The following ALX4 variants were observed in gnomAD, a reference collection of about 807,000 sequenced individuals.
ALX4 encodes ALX homeobox 4.
A neutral mutation model predicts 40.6 loss-of-function variants in ALX4; 22 were observed. The ratio of observed to expected loss-of-function variants is 0.54; its 90% CI spans 0.39 to 0.77. The LOEUF is 0.77. Among genes scored for constraint, ALX4 ranks in the 30% least tolerant of loss-of-function variants. The probability of loss-of-function intolerance (pLI) is 0.00; values close to 1 mark genes in which losing one functional copy is unlikely to be tolerated. For missense variants in ALX4, 556 were observed against 564.8 expected (o/e 0.98, Z 0.16); for synonymous variants, 266 against 240.5 (o/e 1.11, Z -0.98).
chr11:44,288,179 C>T (rs561298288), intron 1 of ALX4, among the ~76,000 whole-genome samples: 7 of 152,162 alleles, frequency 4.6e-5, no homozygotes, highest in African/African-American at 7.2e-5. Context: ...TGAGCCACTG[C>T]GCCCAGCCTG....
chr11:44,285,988 G>C (rs1350619321), intron 1 of ALX4, among the ~76,000 whole-genome samples: 2 of 152,252 alleles, frequency 1.3e-5, no homozygotes, highest in Non-Finnish European at 2.9e-5. Context: ...TGCCTGGGTT[G>C]AGGGAGACTC....
chr11:44,299,828 G>A (rs563883680), intron 1 of ALX4, among the ~76,000 whole-genome samples: 1 of 152,304 alleles, frequency 6.6e-6, no homozygotes, highest in Non-Finnish European at 1.5e-5. Flanking sequence ...TCTCACTGTG[G>A]ACGAGTTACT....
At chr11:44,279,351 C>T (rs1013866738) in intron 1 of ALX4, among the ~76,000 whole-genome samples, 1 of 152,184 alleles carries the variant, frequency 6.6e-6, no homozygotes, top group Admixed American at 6.5e-5. Context: ...TGCTGTTCCT[C>T]GGGTGGCCCT....
chr11:44,293,790 G>A (rs965175892), intron 1 of ALX4, among the ~76,000 whole-genome samples: 5 of 152,230 alleles, frequency 3.3e-5, no homozygotes, highest in African/African-American at 1.2e-4. Flanking sequence ...TACTCGTTCT[G>A]TTTAGAAGGG....
At chr11:44,297,046 G>T (rs1037325531) in intron 1 of ALX4, among the ~76,000 whole-genome samples, 1 of 144,062 alleles carries the variant, frequency 6.9e-6, no homozygotes, top group South Asian at 2.2e-4. Context: ...CCTACAGTAG[G>T]AAAATCCACA....
At chr11:44,280,878 A>G (rs1956305912) in intron 1 of ALX4, among the ~76,000 whole-genome samples, 1 of 150,958 alleles carries the variant, frequency 6.6e-6, no homozygotes, top group Non-Finnish European at 1.5e-5. Context: ...CTCTGCTGGA[A>G]CTCCCCCTGG....
In ALX4 at chr11:44,309,982, A is replaced by G. The variant is rs1370969725; in HGVS notation, c.81T>C (p.Ser27=). 1 of 1,599,866 alleles carries G rather than the reference A, an allele frequency of 6.3e-7. No homozygotes were observed. Among genetic ancestry groups the G allele is most frequent in the Admixed American group, 1.7e-5 (1 of 58,190 alleles). ...MDAYYSPVSQ[S]REGSSPFRAF... Reference sequence around the variant, plus strand: ...CCCTAAAAGGCGACGAGCCCTCCCGACTCTGCGACACCGGGCTGTAGTAGG... The same window carrying G: ...CCCTAAAAGGCGACGAGCCCTCCCGGCTCTGCGACACCGGGCTGTAGTAGG... Residue 27 remains serine, a synonymous_variant, in exon 1 of 4, where the codon AGT becomes AGC. Transcript: ENST00000652299.
At chr11:44,309,566 C>T (rs1340879451) in intron 1 of ALX4, 31 bp downstream of exon 1, 2 of 1,554,870 alleles carry the variant, frequency 1.3e-6, no homozygotes, top group Non-Finnish European at 1.7e-6. Context: ...CCCGTGGTCC[C>T]CAGCACCAGG....
At chr11:44,279,038 A>G (rs1388181721) in intron 1 of ALX4, among the ~76,000 whole-genome samples, 1 of 152,216 alleles carries the variant, frequency 6.6e-6, no homozygotes, top group Non-Finnish European at 1.5e-5. Flanking sequence ...CAGAATAACA[A>G]GCACAGCCCT....
rs1032983890 is a variant in ALX4, at chr11:44,275,712, G to C, written c.467-54C>G. ...CCAATGGTTGAACCAAACAAGAGAA[G>C]GGGAATGTCAGGGGGAGAGTGGGGC... On this transcript the variant is annotated intron_variant, in intron 1 of 3. Transcript: ENST00000652299. 1.0e-5 allele frequency: 16 copies of C among 1,569,112 alleles called. No individual in the cohort carries two copies. In the African/African-American group the frequency reaches 2.0e-4, roughly 20 times the overall value.
At chr11:44,303,199 C>T (rs1382979098) in intron 1 of ALX4, among the ~76,000 whole-genome samples, 1 of 152,182 alleles carries the variant, frequency 6.6e-6, no homozygotes, top group Non-Finnish European at 1.5e-5. Context: ...TCCTGTCCCT[C>T]TACGAGGTGC....
At chr11:44,302,345 G>A (rs1223644667) in intron 1 of ALX4, among the ~76,000 whole-genome samples, 8 of 152,138 alleles carry the variant, frequency 5.3e-5, no homozygotes, top group Non-Finnish European at 1.0e-4. Context: ...GGCACACACC[G>A]CTCACATTCA....
intron 1 of ALX4, 116 bp downstream of exon 1, chr11:44,309,481 C>T: frequency 6.0e-6 from 9 of 1,493,790 alleles, no homozygotes; most frequent in Non-Finnish European, 8.0e-6. Flanking sequence ...CGACCAGAGT[C>T]ACCACCCCGC....
intron 2 of ALX4, among the ~76,000 whole-genome samples, chr11:44,268,387 A>G (rs1956225387): frequency 6.6e-6 from 1 of 152,206 alleles, no homozygotes; most frequent in Non-Finnish European, 1.5e-5. Flanking sequence ...TGCCAAGTGA[A>G]GGGTTTTTCC....
chr11:44,301,517 C>A lies in ALX4; in HGVS notation c.466+8080G>T, dbSNP rs190432411. ...TCCCACCAGGGATTCCACGGGTGCT[C>A]TCCTGCTGTCCTCTAATGCCCAGGA... On this transcript the variant is annotated intron_variant, in intron 1 of 3. Coordinates refer to ENST00000652299, the MANE Select transcript of ALX4 (RefSeq NM_021926.4). Among the ~76,000 whole-genome samples the A allele has an allele frequency of 4.6e-5, 7 of 152,358 alleles. No individual in the cohort carries two copies. In the East Asian group the frequency reaches 1.3e-3, roughly 29 times the overall value.
At chr11:44,286,687 C>T (rs1240859947) in intron 1 of ALX4, among the ~76,000 whole-genome samples, 4 of 152,164 alleles carry the variant, frequency 2.6e-5, no homozygotes, top group African/African-American at 7.2e-5. Flanking sequence ...ATGGATGGGG[C>T]GGGTCGCTGG....
intron 2 of ALX4, among the ~76,000 whole-genome samples, chr11:44,271,215 A>C (rs1208485768): frequency 3.9e-5 from 6 of 152,302 alleles, no homozygotes; most frequent in Admixed American, 3.9e-4. Flanking sequence ...GCACATGAAG[A>C]TCCCACCCAC....
intron 1 of ALX4, among the ~76,000 whole-genome samples, chr11:44,281,371 C>A (rs1207663418): frequency 6.6e-6 from 1 of 152,000 alleles, no homozygotes; most frequent in African/African-American, 2.4e-5. Context: ...GGGTGCAGAT[C>A]CGCGTGGGTG....
intron 1 of ALX4, among the ~76,000 whole-genome samples, chr11:44,277,941 G>T (rs80067538): frequency 0.054 from 8,260 of 152,188 alleles, 319 homozygotes; most frequent in African/African-American, 0.097. Context: ...AACTGCAGCT[G>T]GCAGCTGGGC....
Sources: allele counts gnomAD v4.1 joint callset (sites outside exome capture counted in the v4.1 genomes callset), GRCh38; gene constraint gnomAD v4.1.1; transcripts MANE v1.5; gene names NCBI Gene and HGNC (gene_info 2026-07-23, HGNC 2026-07-21).